The following OSBPL8 variants were observed in gnomAD, a reference collection of about 807,000 sequenced individuals.
OSBPL8 encodes the protein oxysterol binding protein like 8.
In OSBPL8, 59 loss-of-function variants were observed where a neutral mutation model predicts 125.5. The ratio of observed to expected loss-of-function variants is 0.47; its 90% CI spans 0.38 to 0.58. The LOEUF is 0.58. OSBPL8 is among the 20% of genes least tolerant of loss of function. OSBPL8 has a pLI of 0.00. For synonymous variants in OSBPL8, 330 were observed against 338.9 expected (o/e 0.97, Z 0.29); for missense variants, 758 against 1,047.8 (o/e 0.72, Z 3.82).
Position 76,390,627 on chromosome 12 carries a change from ATGT to A in OSBPL8, c.957_959del (p.Gln319del), listed in dbSNP as rs767138540. 78 of 1,612,912 alleles carry A rather than the reference ATGT, an allele frequency of 4.8e-5. No homozygotes were observed. In the South Asian group the frequency reaches 8.2e-4, roughly 17 times the overall value. On this transcript the variant is annotated inframe_deletion, in exon 11 of 24. Coordinates refer to ENST00000261183, the MANE Select transcript of OSBPL8 (RefSeq NM_020841.5). ...CAGAATACATATCTTGGTCCTTAAAATGTTGTCGTTCAATTTCACTATCATTTA... is the reference window on the plus strand; with the variant it reads ...CAGAATACATATCTTGGTCCTTAAAATGTCGTTCAATTTCACTATCATTTA...
intron 15 of OSBPL8, among the ~76,000 whole-genome samples, 185 bp downstream of exon 15, chr12:76,384,069 T>C (rs1413711415): frequency 6.6e-6 from 1 of 152,222 alleles, no homozygotes; most frequent in East Asian, 1.9e-4. Context: ...TTCACATATA[T>C]GTGATGAATA....
At chr12:76,530,260 GT>G (rs1159553689) in intron 1 of OSBPL8, among the ~76,000 whole-genome samples, 24 of 106,236 alleles carry the variant, frequency 2.3e-4, no homozygotes, top group Non-Finnish European at 3.7e-4. Context: ...GTCTCACTAT[GT>G]TGCCAAGGCT....
chr12:76,496,210 T>C (rs1343487928), intron 1 of OSBPL8, among the ~76,000 whole-genome samples: 1 of 152,060 alleles, frequency 6.6e-6, no homozygotes, highest in African/African-American at 2.4e-5. Context: ...GGAATTTAAG[T>C]GCTCTGCTGT....
intron 4 of OSBPL8, among the ~76,000 whole-genome samples, chr12:76,434,715 G>A (rs1321874629): frequency 6.6e-6 from 1 of 151,926 alleles, no homozygotes; most frequent in African/African-American, 2.4e-5. Flanking sequence ...ACCTGAACAG[G>A]CATTTCTCAA....
At chr12:76,519,054 G>C (rs937857572) in intron 1 of OSBPL8, among the ~76,000 whole-genome samples, 2 of 152,118 alleles carry the variant, frequency 1.3e-5, no homozygotes, top group Non-Finnish European at 2.9e-5. Context: ...CTATCACAGG[G>C]ACAAACTCTA....
intron 1 of OSBPL8, among the ~76,000 whole-genome samples, chr12:76,498,932 G>C (rs145500495): frequency 6.6e-6 from 1 of 151,960 alleles, no homozygotes; most frequent in African/African-American, 2.4e-5. Context: ...TCACCATTGG[G>C]ATGGTTAACA....
chr12:76,542,299 T>C, intron 1 of OSBPL8, among the ~76,000 whole-genome samples: 1 of 152,220 alleles, frequency 6.6e-6, no homozygotes, highest in East Asian at 1.9e-4. Context: ...TTTCACTAGC[T>C]CTCCCTCTAT....
intron 1 of OSBPL8, among the ~76,000 whole-genome samples, chr12:76,500,085 G>A (rs2137109792): frequency 6.6e-6 from 1 of 152,280 alleles, no homozygotes; most frequent in Non-Finnish European, 1.5e-5. Flanking sequence ...ATAATCTAAT[G>A]CACAGAAGTG....
chr12:76,534,809 A>G (rs906520936), intron 1 of OSBPL8, among the ~76,000 whole-genome samples: 12 of 152,214 alleles, frequency 7.9e-5, no homozygotes, highest in Admixed American at 6.5e-5. Context: ...TACCGCACAT[A>G]TATCAATGGA....
At chr12:76,384,431 G>T in intron 14 of OSBPL8, 81 bp from the exon 15 acceptor site, 2 of 774,352 alleles carry the variant, frequency 2.6e-6, no homozygotes, top group Non-Finnish European at 3.7e-6. Context: ...GCATATTATT[G>T]TGCCATTATC....
Position 76,389,659 on chromosome 12 carries a change from T to C in OSBPL8, c.1338A>G (p.Ala446=), listed in dbSNP as rs1953475105. The part of the protein sequence containing the change: ...LDKLSDYYYH[A]DFLSEAALEE... ...AATCTACTTACTCAGATAGGAAATC[T>C]GCATGATAGTAGTAATCTGAAAGTT... Residue 446 remains alanine (A), a synonymous_variant, in exon 12 of 24, where the codon GCA becomes GCG. Coordinates refer to ENST00000261183, the MANE Select transcript of OSBPL8 (RefSeq NM_020841.5). 6.3e-7 allele frequency: 1 copy of C among 1,577,266 alleles called. No homozygotes were observed. Among genetic ancestry groups the C allele is most frequent in the Non-Finnish European group, 8.6e-7 (1 of 1,163,270 alleles).
chr12:76,369,630 T>G lies in OSBPL8; in HGVS notation c.2240+7A>C, dbSNP rs1484598857. The G allele has an allele frequency of 2.5e-6, 4 of 1,609,294 alleles. No individual in the cohort carries two copies. The highest frequency in any genetic ancestry group is 3.3e-5 in the Admixed American group (2 of 59,840). ...TTGTTTGAAATAAACTATTTTAAGT[T>G]ACTTACTCTGCAAACTTGTAATGCC... On this transcript the variant is annotated splice_region_variant and intron_variant, in intron 20 of 23. Transcript: ENST00000261183.
chr12:76,396,158 C>G (rs943166424), intron 8 of OSBPL8, among the ~76,000 whole-genome samples: 1 of 151,764 alleles, frequency 6.6e-6, no homozygotes, highest in Non-Finnish European at 1.5e-5. Context: ...GTCAGAGGTT[C>G]GGGGGGTTAA....
At chr12:76,555,854 G>A (rs1053255659) in intron 1 of OSBPL8, among the ~76,000 whole-genome samples, 1 of 152,112 alleles carries the variant, frequency 6.6e-6, no homozygotes. Context: ...AAATAGAGAT[G>A]GGAGAATAAA....
intron 4 of OSBPL8, among the ~76,000 whole-genome samples, chr12:76,417,453 T>C (rs778990281): frequency 7.2e-5 from 11 of 152,236 alleles, no homozygotes; most frequent in Non-Finnish European, 1.3e-4. Context: ...TTAAAGACTT[T>C]TTATCCTATT....
chr12:76,540,968 A>T (rs922441687), intron 1 of OSBPL8, among the ~76,000 whole-genome samples: 2 of 152,178 alleles, frequency 1.3e-5, no homozygotes, highest in Non-Finnish European at 2.9e-5. Context: ...GATACATAGT[A>T]GTAACAGAAA....
intron 12 of OSBPL8, among the ~76,000 whole-genome samples, chr12:76,389,384 C>T (rs776171165): frequency 2.0e-5 from 3 of 152,138 alleles, no homozygotes; most frequent in Non-Finnish European, 4.4e-5. Context: ...GAGCCTATAA[C>T]GGCAGTGTTG....
At chr12:76,463,602 G>A (rs1295126591) in intron 2 of OSBPL8, among the ~76,000 whole-genome samples, 1 of 152,104 alleles carries the variant, frequency 6.6e-6, no homozygotes, top group Non-Finnish European at 1.5e-5. Flanking sequence ...AAAAGAACAG[G>A]CCCTAGAAAA....
At chr12:76,450,797 C>A in intron 4 of OSBPL8, 54 bp downstream of exon 4, 1 of 1,506,090 alleles carries the variant, frequency 6.6e-7, no homozygotes, top group Non-Finnish European at 9.0e-7. Flanking sequence ...CCCCTTCTCC[C>A]CTCCAAAAAC....
Sources: gnomAD v4.1 joint callset for allele counts (sites outside exome capture counted in the v4.1 genomes callset) on GRCh38, gnomAD v4.1.1 for gene constraint, MANE v1.5 for transcripts, NCBI Gene and HGNC (gene_info 2026-07-23, HGNC 2026-07-21) for gene names.